NEXN: variants seen among roughly 807,000 people sequenced by gnomAD.
NEXN encodes the protein nexilin.
A neutral mutation model predicts 92.6 loss-of-function variants in NEXN; 65 were observed. The observed-to-expected ratio is 0.70, with a 90% CI of 0.57 to 0.86. The LOEUF is 0.86. NEXN is among the 40% of genes least tolerant of loss of function. The probability of loss-of-function intolerance (pLI) is 0.00; values close to 1 mark genes in which losing one functional copy is unlikely to be tolerated. For synonymous variants in NEXN, 254 were observed against 242.5 expected, an observed-to-expected ratio of 1.05 and a Z score of -0.44; for missense variants, 778 against 771.1, an observed-to-expected ratio of 1.01 and a Z score of -0.11.
At chr1:77,911,129 C>T (rs1028265610) in intron 1 of NEXN, among the ~76,000 whole-genome samples, 2 of 152,288 alleles carry the variant, frequency 1.3e-5, no homozygotes, top group South Asian at 4.1e-4. Flanking sequence ...GAATGAGATA[C>T]AGCGCCTGGC....
At position 77,929,467 on chromosome 1, in the gene NEXN, A is replaced by C; in HGVS notation, c.1016A>C (p.Glu339Ala). The change falls in exon 9 of 13, where the codon GAA becomes GCA. Residue 339 changes from glutamate (E) to alanine (A), a missense_variant. By Grantham distance (107) the Glu-to-Ala change is moderately radical (BLOSUM62 -1). Coordinates refer to ENST00000334785, the MANE Select transcript of NEXN (RefSeq NM_144573.4). ...GAAGAAGCCAGAAGGAGAATAGAGGAAGAAAAGAAGGCGTTTGCTGAAGCA... is the reference window on the plus strand; with the variant it reads ...GAAGAAGCCAGAAGGAGAATAGAGGCAGAAAAGAAGGCGTTTGCTGAAGCA... ...AEEEARRRIE[E>A]EKKAFAEARR... 1.9e-6 allele frequency: 3 copies of C among 1,613,186 alleles called. No individual in the cohort carries two copies. Among genetic ancestry groups the C allele is most frequent in the Non-Finnish European group, 2.5e-6 (3 of 1,179,718 alleles).
chr1:77,939,647 T>G (rs1004358574), intron 11 of NEXN, among the ~76,000 whole-genome samples: 7 of 152,216 alleles, frequency 4.6e-5, no homozygotes, highest in African/African-American at 1.7e-4. Context: ...CTAGTATACA[T>G]GGATGTGGTA....
intron 1 of NEXN, among the ~76,000 whole-genome samples, chr1:77,897,301 C>T (rs1332967303): frequency 2.6e-5 from 4 of 152,214 alleles, no homozygotes; most frequent in Non-Finnish European, 5.9e-5. Flanking sequence ...CATCAAAAAG[C>T]TTATCCACCA....
In NEXN at chr1:77,943,205, C is replaced by G. The variant is rs1385176841; in HGVS notation, c.*376C>G. The stretch of plus-strand genomic sequence containing the variant: ...TTATAAAGACTGTATTTCCCATAGA[C>G]GTTTACAGCAACTATGTTTAAAAAA... On this transcript the variant is annotated 3_prime_UTR_variant, in exon 13 of 13. Transcript: ENST00000334785. 1 of 227,434 alleles carries G rather than the reference C, an allele frequency of 4.4e-6. No homozygotes were observed. The highest frequency in any genetic ancestry group is 2.3e-5 in the African/African-American group (1 of 43,026). The allele number at this position is 227,434 out of a possible 1,614,324, so 14.1% of individuals were successfully genotyped here. A position where few individuals can be genotyped will look rare whatever the true frequency, so the allele number is the denominator to read the frequency against.
At chr1:77,893,136 G>A (rs1367835992) in intron 1 of NEXN, among the ~76,000 whole-genome samples, 3 of 152,024 alleles carry the variant, frequency 2.0e-5, no homozygotes, top group Admixed American at 1.3e-4. Context: ...CAAAGTGCTG[G>A]GATTACAGGT....
intron 1 of NEXN, among the ~76,000 whole-genome samples, chr1:77,914,755 G>A (rs1331401950): frequency 6.6e-6 from 1 of 151,674 alleles, no homozygotes; most frequent in East Asian, 1.9e-4. Context: ...TACTCAGGAG[G>A]CTGAGGCAGG....
At chr1:77,906,822 A>AT (rs550823621) in intron 1 of NEXN, among the ~76,000 whole-genome samples, 46 of 150,804 alleles carry the variant, frequency 3.1e-4, no homozygotes, top group Non-Finnish European at 5.3e-4. Flanking sequence ...ACCCAGATTA[A>AT]TTTTTTTTTA....
chr1:77,921,982 C>T (rs184153578), intron 5 of NEXN, among the ~76,000 whole-genome samples: 33 of 152,094 alleles, frequency 2.2e-4, no homozygotes, highest in African/African-American at 4.8e-4. Context: ...TGCCCAGGCT[C>T]GTCTCAAAAT....
chr1:77,910,673 C>T (rs1358249047), intron 1 of NEXN, among the ~76,000 whole-genome samples: 1 of 150,200 alleles, frequency 6.7e-6, no homozygotes, highest in Non-Finnish European at 1.5e-5. Context: ...ATCACTTGAA[C>T]CCGAGAGGTG....
At chr1:77,893,859 A>C (rs1233123915) in intron 1 of NEXN, among the ~76,000 whole-genome samples, 4 of 151,202 alleles carry the variant, frequency 2.6e-5, no homozygotes, top group East Asian at 3.9e-4. Flanking sequence ...TTTAGACAGA[A>C]TTTTGCTCTT....
chr1:77,919,278 A>G (rs919789606), intron 5 of NEXN, among the ~76,000 whole-genome samples: 36 of 152,192 alleles, frequency 2.4e-4, no homozygotes, highest in African/African-American at 8.4e-4. Flanking sequence ...ATGGGAGTAC[A>G]ATTCAAGATG....
chr1:77,918,349 A>C, intron 5 of NEXN, 76 bp downstream of exon 5: 19 of 1,457,698 alleles, frequency 1.3e-5, no homozygotes, highest in Non-Finnish European at 1.8e-5. Flanking sequence ...ATGTTGCCTA[A>C]TTAAAATATT....
chr1:77,902,497 G>T (rs1035615103), intron 1 of NEXN, among the ~76,000 whole-genome samples: 1 of 152,148 alleles, frequency 6.6e-6, no homozygotes, highest in African/African-American at 2.4e-5. Flanking sequence ...ACTACATAGA[G>T]CCTAGGATAT....
chr1:77,893,373 G>A (rs1014327772), intron 1 of NEXN, among the ~76,000 whole-genome samples: 2 of 152,098 alleles, frequency 1.3e-5, no homozygotes, highest in African/African-American at 4.8e-5. Flanking sequence ...ATGGTGAGGA[G>A]GCCCAGACTC....
chr1:77,890,950 T>A (rs1039114947), intron 1 of NEXN, among the ~76,000 whole-genome samples: 1 of 152,326 alleles, frequency 6.6e-6, no homozygotes, highest in South Asian at 2.1e-4. Flanking sequence ...AAATGATTTA[T>A]AACATTCTTA....
In NEXN at chr1:77,942,931, T is replaced by C. The variant is rs753767847; in HGVS notation, c.*102T>C. ...ACTACTAGCTCCCCTCCCCTCTCCC[T>C]GGAACTTTCTCTTTCACTCCAACTT... On this transcript the variant is annotated 3_prime_UTR_variant, in exon 13 of 13. Transcript: ENST00000334785. 1.4e-6 allele frequency: 2 copies of C among 1,450,394 alleles called. No homozygotes were observed. The highest frequency in any genetic ancestry group is 2.5e-5 in the South Asian group (2 of 81,164). 89.8% of individuals were successfully genotyped at this position (1,450,394 alleles called of 1,614,324 possible). A position where few individuals can be genotyped will look rare whatever the true frequency, so the allele number is the denominator to read the frequency against.
chr1:77,912,621 A>T (rs570019480), intron 1 of NEXN, among the ~76,000 whole-genome samples: 1 of 152,350 alleles, frequency 6.6e-6, no homozygotes, highest in African/African-American at 2.4e-5. Context: ...ATGAAACCGA[A>T]TAGAGAGCCC....
intron 1 of NEXN, among the ~76,000 whole-genome samples, chr1:77,895,993 T>C (rs947727478): frequency 2.0e-5 from 3 of 151,708 alleles, no homozygotes; most frequent in African/African-American, 7.3e-5. Flanking sequence ...TTGGCCAACA[T>C]GGTGAAACCC....
chr1:77,937,045 C>T (rs866793025), intron 11 of NEXN, among the ~76,000 whole-genome samples: 12 of 152,166 alleles, frequency 7.9e-5, no homozygotes, highest in African/African-American at 2.9e-4. Context: ...CACAGTGGCT[C>T]ACACCTGTAG....
Sources: gnomAD v4.1 joint callset for allele counts (sites outside exome capture counted in the v4.1 genomes callset) on GRCh38, gnomAD v4.1.1 for gene constraint, MANE v1.5 for transcripts, NCBI Gene and HGNC (gene_info 2026-07-23, HGNC 2026-07-21) for gene names.